Variants in ERBIN observed in about 807,000 individuals in gnomAD.
ERBIN encodes densin-180-like protein.
Under a neutral mutation model 158.4 loss-of-function variants are expected in ERBIN, and 60 were observed. The observed-to-expected ratio is 0.38, with a 90% confidence interval of 0.31 to 0.47. The LOEUF is 0.47. Among genes scored for constraint, ERBIN ranks in the 20% least tolerant of loss-of-function variants. The probability of loss-of-function intolerance (pLI) is 0.99; values close to 1 mark genes in which losing one functional copy is unlikely to be tolerated. For missense variants in ERBIN, 1,610 were observed against 1,648.0 expected (o/e 0.98, Z 0.40); for synonymous variants, 594 against 557.2 (o/e 1.07, Z -0.93).
At chr5:65,985,032 A>G (rs1317380584) in intron 1 of ERBIN, among the ~76,000 whole-genome samples, 2 of 152,224 alleles carry the variant, frequency 1.3e-5, no homozygotes, top group Non-Finnish European at 2.9e-5. Context: ...GTATAGATGA[A>G]ATAAGATTGA....
intron 17 of ERBIN, among the ~76,000 whole-genome samples, chr5:66,045,347 T>G (rs1018271404): frequency 2.0e-5 from 3 of 152,080 alleles, no homozygotes; most frequent in African/African-American, 7.2e-5. Context: ...TTGCCTATAG[T>G]GTTCAGTACA....
rs1755180700 is a variant in ERBIN at position 66,018,523 on chromosome 5, T to TA, written c.534-2798dup. On this transcript the variant is annotated intron_variant, in intron 7 of 25. Transcript: ENST00000284037. ...AATATATATTATATATTATATAATATATATTATATTATATAATATATATTA... is the reference window on the plus strand; with the variant it reads ...AATATATATTATATATTATATAATATAATATTATATTATATAATATATATTA... 6.2e-4 allele frequency among the ~76,000 whole-genome samples: 4 copies of TA among 6,430 alleles called. 2 individuals carry two copies. The highest frequency in any genetic ancestry group is 1.5e-3 in the African/African-American group (2 of 1,324). The allele number at this position is 6,430 out of a possible 152,430, so 4.2% of individuals were successfully genotyped here. A position where few individuals can be genotyped will look rare whatever the true frequency, so the allele number is the denominator to read the frequency against.
At chr5:66,024,861 G>A (rs544995122) in intron 10 of ERBIN, among the ~76,000 whole-genome samples, 1 of 152,120 alleles carries the variant, frequency 6.6e-6, no homozygotes, top group African/African-American at 2.4e-5. Context: ...TCAATGATAT[G>A]TCAATGGAAT....
At chr5:66,068,827 A>C in intron 21 of ERBIN, 4 of 1,459,982 alleles carry the variant, frequency 2.7e-6, no homozygotes, top group Non-Finnish European at 3.6e-6. Flanking sequence ...TGTCTCGTGG[A>C]TTTTGCATGC....
chr5:65,958,611 GAA>G (rs1478072901), intron 1 of ERBIN, among the ~76,000 whole-genome samples: 4 of 144,148 alleles, frequency 2.8e-5, no homozygotes, highest in African/African-American at 1.0e-4. Context: ...GGAGACCGTG[GAA>G]GGAGAGGGAG....
chr5:66,068,168 AAATAAT>A (rs553482294), intron 21 of ERBIN, among the ~76,000 whole-genome samples: 43 of 151,090 alleles, frequency 2.8e-4, no homozygotes, highest in South Asian at 4.2e-4. Context: ...GTCTCTACAA[AAATAAT>A]AATAATAATA....
intron 1 of ERBIN, among the ~76,000 whole-genome samples, chr5:65,937,343 C>T (rs72768099): frequency 0.13 from 19,795 of 152,236 alleles, 1,669 homozygotes; most frequent in South Asian, 0.28. Flanking sequence ...AATAATCTAG[C>T]TTTATGCTCC....
At chr5:65,992,594 A>G (rs1237633329) in intron 2 of ERBIN, 116 bp from the exon 3 acceptor site, 6 of 684,404 alleles carry the variant, frequency 8.8e-6, no homozygotes, top group Admixed American at 3.2e-5. Context: ...GTGCTTGTAT[A>G]GTGGCAGGAG....
At chr5:65,969,149 A>ATG (rs753288046) in intron 1 of ERBIN, among the ~76,000 whole-genome samples, 34 of 152,230 alleles carry the variant, frequency 2.2e-4, no homozygotes, top group Non-Finnish European at 3.1e-4. Context: ...AAAAATGCTA[A>ATG]TGTGAGAACA....
intron 21 of ERBIN, chr5:66,068,916 G>A (rs1430483643): frequency 1.4e-5 from 22 of 1,535,550 alleles, no homozygotes; most frequent in Non-Finnish European, 1.8e-5. Context: ...TTTTACTACT[G>A]TAAGCAGTTT....
intron 1 of ERBIN, among the ~76,000 whole-genome samples, chr5:65,942,338 A>C (rs1031810419): frequency 1.3e-5 from 2 of 152,216 alleles, no homozygotes; most frequent in Admixed American, 6.5e-5. Flanking sequence ...TATGTTCTGA[A>C]GAATACAGTT....
In ERBIN at chr5:65,959,096, G is replaced by A. The variant is rs926993934; in HGVS notation, c.-57-29539G>A. 9.2e-5 allele frequency among the ~76,000 whole-genome samples: 14 copies of A among 152,136 alleles called. 1 individual carries two copies. The highest frequency in any genetic ancestry group is 3.4e-4 in the African/African-American group (14 of 41,432). ...CTTTATTTATACGTGTTGTCAAATTGTCATCAAGGACATTTATACTATTAT... is the reference window on the plus strand; with the variant it reads ...CTTTATTTATACGTGTTGTCAAATTATCATCAAGGACATTTATACTATTAT... On this transcript the variant is annotated intron_variant, in intron 1 of 25. Coordinates refer to ENST00000284037, the MANE Select transcript of ERBIN (RefSeq NM_001253697.2).
At chr5:66,027,383 A>G (rs1280020720) in intron 13 of ERBIN, among the ~76,000 whole-genome samples, 2 of 152,052 alleles carry the variant, frequency 1.3e-5, no homozygotes, top group African/African-American at 4.8e-5. Flanking sequence ...AGTTAGGTAT[A>G]AGATAGCAAG....
chr5:66,044,195 A>G lies in ERBIN; in HGVS notation c.1487A>G (p.Lys496Arg), dbSNP rs750574893. ...CCAGATGAGCTTAAGAATATGGTCA[A>G]AACTGTTCAAACCATTGTACATAGA... is the stretch of plus-strand genomic sequence containing the variant. ...PYPDELKNMVKTVQTIVHRLK... is the reference protein window; with the variant it reads ...PYPDELKNMVRTVQTIVHRLK... The change falls in exon 17 of 26, where the codon AAA becomes AGA. Residue 496 changes from lysine to arginine, a missense_variant. This residue lies in a region of ERBIN where 596 missense variants were observed against 711.9 expected (regional missense o/e 0.84). Transcript: ENST00000284037. The G allele has an allele frequency of 1.2e-6, 2 of 1,609,508 alleles. No homozygotes were observed. The highest frequency in any genetic ancestry group is 1.3e-5 in the African/African-American group (1 of 74,784).
intron 1 of ERBIN, among the ~76,000 whole-genome samples, chr5:65,958,092 T>C (rs1265541258): frequency 7.3e-6 from 1 of 137,468 alleles, no homozygotes; most frequent in East Asian, 2.3e-4. Context: ...CCTTACTTCC[T>C]AGATGGGATG....
At chr5:66,029,666 G>A (rs1756645930) in intron 14 of ERBIN, among the ~76,000 whole-genome samples, 1 of 151,918 alleles carries the variant, frequency 6.6e-6, no homozygotes. Context: ...GTGCAGTGAC[G>A]TGACCTCAGC....
chr5:65,997,359 AT>A (rs924874738), intron 4 of ERBIN, among the ~76,000 whole-genome samples: 9 of 152,060 alleles, frequency 5.9e-5, no homozygotes, highest in East Asian at 1.9e-4. Context: ...CCATTGAGAG[AT>A]TTTTTTCCTT....
In ERBIN at chr5:66,039,025, C is replaced by CGTGT. The variant is rs149165726; in HGVS notation, c.1306+560_1306+563dup. 1.6e-4 allele frequency among the ~76,000 whole-genome samples: 24 copies of CGTGT among 148,808 alleles called. No homozygotes were observed. The East Asian group carries it at 2.7e-3, about 17-fold the overall frequency. ...TTTTTAGTATATGTTGTACTCTCTG[C>CGTGT]GTGTGTGTGTGTGTGTGTGTTTATT... On this transcript the variant is annotated intron_variant, in intron 15 of 25. Transcript: ENST00000284037.
intron 1 of ERBIN, among the ~76,000 whole-genome samples, chr5:65,929,849 A>C (rs1743149959): frequency 6.6e-6 from 1 of 152,112 alleles, no homozygotes; most frequent in Non-Finnish European, 1.5e-5. Flanking sequence ...CATGTTGGCC[A>C]GGCTGGTCTC....
Sources: gnomAD v4.1 joint callset for allele counts (sites outside exome capture counted in the v4.1 genomes callset) on GRCh38, gnomAD v4.1.1 for gene constraint, gnomAD v4.1.1 regional missense constraint, MANE v1.5 for transcripts, NCBI Gene and HGNC (gene_info 2026-07-23, HGNC 2026-07-21) for gene names.